The following TUSC7 variants were observed in gnomAD, a reference collection of about 807,000 sequenced individuals.
TUSC7 encodes LSAMP antisense RNA 3.
At chr3:116,710,166 T>G (rs1171327111) in intron 1 of TUSC7, 1 of 152,186 alleles carries the variant, frequency 6.6e-6, no homozygotes, top group Non-Finnish European at 1.5e-5. Context: ...GTATTGTATA[T>G]ATGCCCATAT....
chr3:116,715,858 C>T lies in TUSC7; in HGVS notation n.99-1903C>T, dbSNP rs147638003. On this transcript the variant is annotated intron_variant and non_coding_transcript_variant, in intron 1 of 2. Coordinates refer to ENST00000477805, the Ensembl canonical transcript of TUSC7. ...CATTTCATATGGCATTAACAAAATG[C>T]ATTTAGGTAATAAAGCCGACATATG... Among the ~76,000 whole-genome samples, 102 of 152,212 alleles carry T rather than the reference C, an allele frequency of 6.7e-4. 1 individual carries two copies. The East Asian group carries it at 0.018, about 27-fold the overall frequency.
intron 1 of TUSC7, chr3:116,710,200 C>T (rs2051451378): frequency 6.6e-6 from 1 of 152,132 alleles, no homozygotes; most frequent in African/African-American, 2.4e-5. Flanking sequence ...ACTATTCCCA[C>T]AAGTGTAAGA....
rs2051501908 is a variant in TUSC7, at chr3:116,715,981, A to T, written n.99-1780A>T. ...TGTGTTTCCAAGTTCATGCCCTTAC[A>T]ACAATCCTATTTTGAAAAAAGTGCC... On this transcript the variant is annotated intron_variant and non_coding_transcript_variant, in intron 1 of 2. Transcript: ENST00000477805. Among the ~76,000 whole-genome samples the T allele has an allele frequency of 2.0e-5, 3 of 152,324 alleles. No individual in the cohort carries two copies. The South Asian group carries it at 6.2e-4, about 32-fold the overall frequency.
chr3:116,713,835 G>A (rs1559924879), intron 1 of TUSC7, among the ~76,000 whole-genome samples: 1 of 152,098 alleles, frequency 6.6e-6, no homozygotes, highest in Non-Finnish European at 1.5e-5. Flanking sequence ...GCATGGTGGT[G>A]CATACCCGTA....
At chr3:116,715,761 T>C (rs1268450296) in intron 1 of TUSC7, among the ~76,000 whole-genome samples, 2 of 152,180 alleles carry the variant, frequency 1.3e-5, no homozygotes, top group African/African-American at 4.8e-5. Flanking sequence ...TTTTTCTCAG[T>C]CTGTGCCTTA....
intron 1 of TUSC7, among the ~76,000 whole-genome samples, chr3:116,713,048 A>G (rs892639732): frequency 6.6e-6 from 1 of 152,216 alleles, no homozygotes; most frequent in Admixed American, 6.5e-5. Context: ...ATATATCTCT[A>G]ACCCTGAGTT....
intron 1 of TUSC7, chr3:116,712,294 G>C (rs1246734914): frequency 1.3e-5 from 2 of 152,056 alleles, no homozygotes; most frequent in African/African-American, 4.8e-5. Flanking sequence ...ATTTTCCCTA[G>C]GGACAATGAA....
At position 116,709,913 on chromosome 3, in the gene TUSC7, G is replaced by A. The variant is rs542006925; in HGVS notation, n.98+37G>A. Reference sequence around the variant, plus strand: ...ATAAGATCAGTTTCTATAGGTAGAGGATAATGTGTCCTAAAATGTAGGTAG... The same window carrying A: ...ATAAGATCAGTTTCTATAGGTAGAGAATAATGTGTCCTAAAATGTAGGTAG... On this transcript the variant is annotated intron_variant and non_coding_transcript_variant, in intron 1 of 2. Coordinates refer to ENST00000477805, the Ensembl canonical transcript of TUSC7. 7 of 152,148 alleles carry A rather than the reference G, an allele frequency of 4.6e-5. 1 individual carries two copies. In the South Asian group the frequency reaches 1.5e-3, roughly 32 times the overall value. The allele number at this position is 152,148 out of a possible 1,614,324, so 9.4% of individuals were successfully genotyped here. A position where few individuals can be genotyped will look rare whatever the true frequency, so the allele number is the denominator to read the frequency against.
At chr3:116,714,112 C>G (rs924736309) in intron 1 of TUSC7, 1 of 151,940 alleles carries the variant, frequency 6.6e-6, no homozygotes, top group East Asian at 1.9e-4. Flanking sequence ...ACCAGGAAAC[C>G]CCCAAAGCAT....
At chr3:116,714,672 T>C (rs904494841) in intron 1 of TUSC7, among the ~76,000 whole-genome samples, 2 of 152,092 alleles carry the variant, frequency 1.3e-5, no homozygotes, top group East Asian at 1.9e-4. Context: ...TAGCCACATA[T>C]CATTTTTTAA....
chr3:116,715,176 T>C (rs993213365), intron 1 of TUSC7, among the ~76,000 whole-genome samples: 7 of 152,210 alleles, frequency 4.6e-5, no homozygotes, highest in South Asian at 2.1e-4. Flanking sequence ...CATTTCTTTT[T>C]AACATTGAAT....
At chr3:116,710,482 C>A (rs2051454152) in intron 1 of TUSC7, 1 of 152,122 alleles carries the variant, frequency 6.6e-6, no homozygotes, top group East Asian at 1.9e-4. Context: ...GTGATGCTAA[C>A]TATGCCCTTA....
chr3:116,714,327 T>C (rs553241221), intron 1 of TUSC7, among the ~76,000 whole-genome samples: 9 of 152,196 alleles, frequency 5.9e-5, no homozygotes, highest in Non-Finnish European at 1.0e-4. Context: ...CAGGAGATGG[T>C]TTGGCATGAT....
At chr3:116,715,554 A>G (rs1051891207) in intron 1 of TUSC7, among the ~76,000 whole-genome samples, 1 of 152,042 alleles carries the variant, frequency 6.6e-6, no homozygotes, top group African/African-American at 2.4e-5. Context: ...TGTTATTTTA[A>G]TGTGTATTTC....
At chr3:116,712,546 T>A (rs927209579) in intron 1 of TUSC7, 1 of 152,084 alleles carries the variant, frequency 6.6e-6, no homozygotes. Context: ...CAGTGACTTA[T>A]GAGGAAAGAT....
At chr3:116,711,053 C>T (rs2051457795) in intron 1 of TUSC7, among the ~76,000 whole-genome samples, 2 of 152,078 alleles carry the variant, frequency 1.3e-5, no homozygotes, top group Admixed American at 1.3e-4. Context: ...TTTTACTTTC[C>T]CATCTTCAAA....
chr3:116,710,290 G>A (rs1458523144), intron 1 of TUSC7: 1 of 152,126 alleles, frequency 6.6e-6, no homozygotes, highest in East Asian at 1.9e-4. Context: ...ACTGAAAGGG[G>A]TCTGCCACAC....
intron 1 of TUSC7, chr3:116,710,306 T>C (rs1386814275): frequency 1.3e-5 from 2 of 152,120 alleles, no homozygotes; most frequent in Non-Finnish European, 2.9e-5. Context: ...CACACATAAC[T>C]TCCCTGGTGT....
At chr3:116,711,128 GA>G (rs2051458593) in intron 1 of TUSC7, among the ~76,000 whole-genome samples, 1 of 152,158 alleles carries the variant, frequency 6.6e-6, no homozygotes, top group African/African-American at 2.4e-5. Context: ...TTTGTACTCT[GA>G]CTAGGCCAAT....
Sources: allele counts gnomAD v4.1 joint callset (sites outside exome capture counted in the v4.1 genomes callset), GRCh38; gene constraint gnomAD v4.1.1; transcripts MANE v1.5; gene names NCBI Gene and HGNC (gene_info 2026-07-23, HGNC 2026-07-21).